The following UNC13C variants were observed in gnomAD, a reference collection of about 807,000 sequenced individuals.
UNC13C encodes the protein protein unc-13 homolog C.
UNC13C carries 174 observed loss-of-function variants against 245.4 expected under a neutral mutation model. The ratio of observed to expected loss-of-function variants is 0.71; its 90% CI spans 0.63 to 0.80. The LOEUF (loss-of-function observed/expected upper bound fraction) is 0.80, where lower values mean the gene tolerates loss of function less well. UNC13C is among the 30% of genes least tolerant of loss of function. UNC13C has a pLI of 0.00. For synonymous variants in UNC13C, 992 were observed against 895.1 expected, an observed-to-expected ratio of 1.11 and a Z score of -1.93; for missense variants, 2,829 against 2,602.9, an observed-to-expected ratio of 1.09 and a Z score of -1.89.
At chr15:54,375,090 T>A (rs1307004543) in intron 17 of UNC13C, among the ~76,000 whole-genome samples, 1 of 152,198 alleles carries the variant, frequency 6.6e-6, no homozygotes. Context: ...GGTGAATAAA[T>A]GCAAGAATTT....
At chr15:54,122,357 G>T (rs1049079997) in intron 2 of UNC13C, among the ~76,000 whole-genome samples, 1 of 151,952 alleles carries the variant, frequency 6.6e-6, no homozygotes, top group Non-Finnish European at 1.5e-5. Flanking sequence ...TTTGGTAGTT[G>T]TGAATAAATG....
chr15:54,050,628 C>T, intron 2 of UNC13C: 1 of 446,466 alleles, frequency 2.2e-6, no homozygotes, highest in Admixed American at 2.9e-5. Context: ...ATCATCAGAA[C>T]TTATGAGGAC....
chr15:54,361,850 A>T (rs532032832), intron 17 of UNC13C, among the ~76,000 whole-genome samples: 1 of 152,368 alleles, frequency 6.6e-6, no homozygotes, highest in South Asian at 2.1e-4. Context: ...TCTGGGGAAG[A>T]CTTATAGAGA....
intron 10 of UNC13C, among the ~76,000 whole-genome samples, chr15:54,289,542 ATTATG>A (rs1421486854): frequency 2.6e-5 from 4 of 152,008 alleles, no homozygotes; most frequent in Non-Finnish European, 4.4e-5. Context: ...TTTAAAAATT[ATTATG>A]TTAGTGAGTA....
rs1278703823 is a variant in UNC13C at position 54,498,740 on chromosome 15, G to A, written c.5061-1339G>A. Reference sequence around the variant, plus strand: ...TTCAAGCAACTATAAAATATTATGAGAGAAATTTAAGATGAACTAAATGAA... The same window carrying A: ...TTCAAGCAACTATAAAATATTATGAAAGAAATTTAAGATGAACTAAATGAA... On this transcript the variant is annotated intron_variant, in intron 20 of 32. Transcript: ENST00000260323. Among the ~76,000 whole-genome samples the A allele has an allele frequency of 3.9e-5, 6 of 152,182 alleles. No individual in the cohort carries two copies. In the East Asian group the frequency reaches 1.2e-3, roughly 29 times the overall value.
In UNC13C at chr15:54,622,414, T is replaced by C. The variant is rs1377349937; in HGVS notation, c.6194T>C (p.Val2065Ala). 1 of 1,610,856 alleles carries C rather than the reference T, an allele frequency of 6.2e-7. No homozygotes were observed. Among genetic ancestry groups the C allele is most frequent in the East Asian group, 2.2e-5 (1 of 44,854 alleles). The stretch of plus-strand genomic sequence containing the variant: ...GGAACGGGAGATCATAAAGTCACTG[T>C]AAAAGGTATACTTCTGGTCTAGATA... ...TPGTGDHKVT[V>A]KVIAINDLNW... is the part of the protein sequence containing the mutation. The change falls in exon 31 of 33, where the codon GTA (valine) becomes GCA (alanine). Residue 2065 changes from valine to alanine, a missense_variant. Transcript: ENST00000260323.
intron 25 of UNC13C, 21 bp downstream of exon 25, chr15:54,525,658 T>C: frequency 6.3e-7 from 1 of 1,585,306 alleles, no homozygotes; most frequent in Non-Finnish European, 8.6e-7. Context: ...TCTGTTGTCA[T>C]TATCTAAATT....
intron 2 of UNC13C, among the ~76,000 whole-genome samples, chr15:54,019,681 A>G (rs1895810649): frequency 2.0e-5 from 3 of 152,210 alleles, no homozygotes; most frequent in African/African-American, 4.8e-5. Context: ...TACATCATGT[A>G]TATATTCTGT....
intron 24 of UNC13C, among the ~76,000 whole-genome samples, chr15:54,517,087 T>C (rs1166039396): frequency 6.6e-6 from 1 of 152,120 alleles, no homozygotes; most frequent in African/African-American, 2.4e-5. Flanking sequence ...TGTAATCTTA[T>C]AAAAAATGGT....
intron 24 of UNC13C, among the ~76,000 whole-genome samples, chr15:54,513,380 G>A (rs1038098050): frequency 1.3e-5 from 2 of 152,054 alleles, no homozygotes; most frequent in African/African-American, 4.8e-5. Flanking sequence ...TTACTATTCT[G>A]TGTTTGAACT....
At chr15:54,004,137 A>C (rs1204448279) in intron 1 of UNC13C, among the ~76,000 whole-genome samples, 1 of 152,154 alleles carries the variant, frequency 6.6e-6, no homozygotes, top group South Asian at 2.1e-4. Context: ...CCCATTAACC[A>C]TCTGCATCTT....
chr15:53,949,109 T>C, the UNC13C span, among the ~76,000 whole-genome samples: 14 of 152,322 alleles, frequency 9.2e-5, no homozygotes, highest in East Asian at 2.5e-3. Context: ...AATTATAATA[T>C]AATACATGCT....
intron 2 of UNC13C, among the ~76,000 whole-genome samples, chr15:54,128,915 C>CAT (rs1373319047): frequency 6.6e-6 from 1 of 152,154 alleles, no homozygotes; most frequent in African/African-American, 2.4e-5. Context: ...TCAACTAGGC[C>CAT]TCTCAACTGG....
At chr15:54,542,052 A>C (rs1457347270) in intron 26 of UNC13C, among the ~76,000 whole-genome samples, 3 of 151,988 alleles carry the variant, frequency 2.0e-5, no homozygotes, top group Admixed American at 2.0e-4. Flanking sequence ...ACATGGGTGA[A>C]AAATATGGGT....
chr15:53,949,341 A>C, the UNC13C span, among the ~76,000 whole-genome samples: 2 of 152,204 alleles, frequency 1.3e-5, no homozygotes, highest in Admixed American at 6.5e-5. Context: ...TGTTTAAAAA[A>C]ATTTAGCACC....
At chr15:53,909,261 T>C in the UNC13C span, among the ~76,000 whole-genome samples, 1 of 146,688 alleles carries the variant, frequency 6.8e-6, no homozygotes, top group African/African-American at 2.4e-5. Context: ...CAGAGCACTT[T>C]TCTGCACTGT....
intron 4 of UNC13C, among the ~76,000 whole-genome samples, chr15:54,166,926 C>T (rs747372040): frequency 9.2e-5 from 14 of 152,136 alleles, no homozygotes; most frequent in Non-Finnish European, 1.5e-4. Flanking sequence ...TCGTTGGATT[C>T]AGTGCAATCC....
intron 19 of UNC13C, among the ~76,000 whole-genome samples, chr15:54,472,658 T>C (rs1229483254): frequency 6.6e-6 from 1 of 151,890 alleles, no homozygotes; most frequent in Non-Finnish European, 1.5e-5. Context: ...AGAGTTGCAA[T>C]GTATAGTATT....
chr15:54,297,723 G>T, intron 11 of UNC13C, 88 bp from the exon 12 acceptor site: 3 of 991,014 alleles, frequency 3.0e-6, no homozygotes, highest in Admixed American at 2.6e-5. Flanking sequence ...CCGTTTTTTT[G>T]TTTTTTTGTT....
Sources: allele counts gnomAD v4.1 joint callset (sites outside exome capture counted in the v4.1 genomes callset), GRCh38; gene constraint gnomAD v4.1.1; transcripts MANE v1.5; gene names NCBI Gene and HGNC (gene_info 2026-07-23, HGNC 2026-07-21).